The following CDC14A variants were observed in gnomAD, a reference collection of about 807,000 sequenced individuals.
CDC14A encodes the protein dual specificity protein phosphatase CDC14A.
A neutral mutation model predicts 74.4 loss-of-function variants in CDC14A; 53 were observed. That is an observed-to-expected ratio of 0.71 (90% CI 0.57 to 0.89). CDC14A has a LOEUF of 0.89. Among genes scored for constraint, CDC14A ranks in the 40% least tolerant of loss-of-function variants. The probability of loss-of-function intolerance (pLI) is 0.00; values close to 1 mark genes in which losing one functional copy is unlikely to be tolerated. For synonymous variants in CDC14A, 247 were observed against 258.4 expected (o/e 0.96, Z 0.43); for missense variants, 646 against 713.7 (o/e 0.91, Z 1.08).
chr1:100,496,060 T>G lies in CDC14A; in HGVS notation c.1298+11T>G. 1.9e-6 allele frequency: 3 copies of G among 1,607,578 alleles called. No individual in the cohort carries two copies. Among genetic ancestry groups the G allele is most frequent in the Non-Finnish European group, 2.6e-6 (3 of 1,174,074 alleles). On this transcript the variant is annotated intron_variant, in intron 13 of 15. Coordinates refer to ENST00000336454, the MANE Select transcript of CDC14A (RefSeq NM_003672.4). The stretch of plus-strand genomic sequence containing the variant: ...GTCCCAGCCTTTCAGGTACTGCCAA[T>G]GAGGTTGAATGTCTAGTAGCTTGTA...
intron 12 of CDC14A, among the ~76,000 whole-genome samples, 160 bp from the exon 13 acceptor site, chr1:100,495,842 T>C (rs961282579): frequency 6.6e-6 from 1 of 152,300 alleles, no homozygotes; most frequent in Non-Finnish European, 1.5e-5. Flanking sequence ...GAAAAGGGGA[T>C]AGCAAGCCTG....
At chr1:100,438,610 C>T (rs538329224) in intron 5 of CDC14A, among the ~76,000 whole-genome samples, 1 of 152,246 alleles carries the variant, frequency 6.6e-6, no homozygotes, top group African/African-American at 2.4e-5. Context: ...AACACAAAAA[C>T]AAAGATCCCT....
At chr1:100,480,031 TA>T (rs2101335322) in intron 10 of CDC14A, among the ~76,000 whole-genome samples, 1 of 152,330 alleles carries the variant, frequency 6.6e-6, no homozygotes, top group Non-Finnish European at 1.5e-5. Flanking sequence ...ACCATTATTA[TA>T]TGTATAATTC....
chr1:100,424,328 A>G (rs751477569), intron 5 of CDC14A, 27 bp downstream of exon 5: 1 of 1,542,548 alleles, frequency 6.5e-7, no homozygotes, highest in Non-Finnish European at 9.0e-7. Flanking sequence ...GACTTGGGTT[A>G]AACTTTTGCT....
chr1:100,379,748 T>A lies in CDC14A; in HGVS notation c.216+2127T>A, dbSNP rs12045002. Among the ~76,000 whole-genome samples the A allele has an allele frequency of 3.4e-4, 52 of 152,306 alleles. No individual in the cohort carries two copies. In the East Asian group the frequency reaches 8.3e-3, roughly 24 times the overall value. Reference sequence around the variant, plus strand: ...CATGGTTCCACAGGCTGTACATGAATCGTGGCACCAACATCTGCTTCTGGT... The same window carrying A: ...CATGGTTCCACAGGCTGTACATGAAACGTGGCACCAACATCTGCTTCTGGT... On this transcript the variant is annotated intron_variant, in intron 3 of 15. Transcript: ENST00000336454.
chr1:100,425,347 C>G (rs1662831625), intron 5 of CDC14A, among the ~76,000 whole-genome samples: 1 of 152,162 alleles, frequency 6.6e-6, no homozygotes, highest in African/African-American at 2.4e-5. Flanking sequence ...TTAACCAACA[C>G]AATGAGCGAA....
Position 100,369,229 on chromosome 1 carries a change from C to T in CDC14A, c.141-8317C>T, listed in dbSNP as rs1261476982. ...GTTCAAGCGATTCTCCTGCCTCAGC[C>T]TCCAAGGTAGCTGTGACTACAGGCA... On this transcript the variant is annotated intron_variant, in intron 2 of 15. Transcript: ENST00000336454. Among the ~76,000 whole-genome samples the T allele has an allele frequency of 2.0e-5, 3 of 152,124 alleles. No homozygotes were observed. In the East Asian group the frequency reaches 5.8e-4, roughly 29 times the overall value.
chr1:100,449,932 G>A (rs1004950658), intron 7 of CDC14A, among the ~76,000 whole-genome samples: 9 of 152,076 alleles, frequency 5.9e-5, no homozygotes, highest in Admixed American at 4.6e-4. Flanking sequence ...TATTCCAAGG[G>A]ACAAATTTAC....
intron 2 of CDC14A, among the ~76,000 whole-genome samples, chr1:100,371,422 T>C (rs1654457825): frequency 6.6e-6 from 1 of 152,226 alleles, no homozygotes; most frequent in Admixed American, 6.5e-5. Context: ...AGTATGATGT[T>C]GGTTGTGGGT....
intron 5 of CDC14A, among the ~76,000 whole-genome samples, chr1:100,427,449 AT>A (rs1334219749): frequency 2.0e-5 from 3 of 152,064 alleles, no homozygotes; most frequent in African/African-American, 7.2e-5. Context: ...TGTTTTTCAA[AT>A]TTTTTTCACT....
At chr1:100,443,607 T>C (rs1184155353) in intron 7 of CDC14A, among the ~76,000 whole-genome samples, 1 of 152,130 alleles carries the variant, frequency 6.6e-6, no homozygotes, top group East Asian at 1.9e-4. Flanking sequence ...AGTGCTGGGA[T>C]TACAGGCATG....
At chr1:100,448,611 T>C (rs997016509) in intron 7 of CDC14A, among the ~76,000 whole-genome samples, 4 of 152,250 alleles carry the variant, frequency 2.6e-5, no homozygotes, top group African/African-American at 9.6e-5. Flanking sequence ...GGACTCTGGC[T>C]GCTCCAGTCT....
intron 15 of CDC14A, among the ~76,000 whole-genome samples, chr1:100,500,468 T>G (rs1648574077): frequency 6.6e-6 from 1 of 152,048 alleles, no homozygotes; most frequent in African/African-American, 2.4e-5. Context: ...TTAGAAACCA[T>G]GAGGATGGGC....
chr1:100,365,210 G>A (rs1653400260), intron 2 of CDC14A, among the ~76,000 whole-genome samples: 1 of 152,206 alleles, frequency 6.6e-6, no homozygotes, highest in South Asian at 2.1e-4. Context: ...CTTTCTGGCT[G>A]TGCAGAAAAC....
intron 15 of CDC14A, among the ~76,000 whole-genome samples, chr1:100,502,601 T>C (rs1371150474): frequency 6.6e-6 from 1 of 152,252 alleles, no homozygotes; most frequent in Non-Finnish European, 1.5e-5. Flanking sequence ...GTAAATACCT[T>C]GCAGATTACA....
chr1:100,491,212 A>T (rs1670583220), intron 11 of CDC14A, among the ~76,000 whole-genome samples: 1 of 152,140 alleles, frequency 6.6e-6, no homozygotes, highest in South Asian at 2.1e-4. Context: ...TTGCCCTGAA[A>T]AACTTCCACT....
chr1:100,426,973 A>T (rs6668780), intron 5 of CDC14A, among the ~76,000 whole-genome samples: 3,005 of 152,222 alleles, frequency 0.02, 108 homozygotes, highest in African/African-American at 0.069. Context: ...TGGAAACTTA[A>T]TTTTTTTATT....
chr1:100,485,388 A>G, intron 11 of CDC14A: 1 of 852,944 alleles, frequency 1.2e-6, no homozygotes, highest in Admixed American at 6.2e-5. Flanking sequence ...AGAAAAGAAA[A>G]AAAGGACCTG....
intron 1 of CDC14A, 146 bp downstream of exon 1, chr1:100,353,149 T>C: frequency 1.2e-6 from 1 of 819,806 alleles, no homozygotes; most frequent in African/African-American, 1.7e-5. Context: ...CTCTCCTTTC[T>C]CCGAGGACCC....
Sources: allele counts gnomAD v4.1 joint callset (sites outside exome capture counted in the v4.1 genomes callset), GRCh38; gene constraint gnomAD v4.1.1; transcripts MANE v1.5; gene names NCBI Gene and HGNC (gene_info 2026-07-23, HGNC 2026-07-21).